Variants in VPS13B observed in about 807,000 individuals in gnomAD.
VPS13B encodes vacuolar protein sorting 13 homolog B.
A neutral mutation model predicts 426.4 loss-of-function variants in VPS13B; 285 were observed. The observed-to-expected ratio is 0.67, with a 90% CI of 0.61 to 0.74. VPS13B has a LOEUF of 0.74. Ranked by LOEUF, VPS13B falls within the 30% of genes least tolerant of loss-of-function variation. The pLI, the probability that VPS13B is intolerant of heterozygous loss-of-function variation, is 0.00. For missense variants in VPS13B, 4,537 were observed against 4,782.6 expected, an observed-to-expected ratio of 0.95 and a Z score of 1.51; for synonymous variants, 1,676 against 1,676.4, an observed-to-expected ratio of 1.00 and a Z score of 0.01.
chr8:99,354,827 G>A (rs74792602), intron 19 of VPS13B, among the ~76,000 whole-genome samples: 2,563 of 152,146 alleles, frequency 0.017, 46 homozygotes, highest in Non-Finnish European at 0.024. Flanking sequence ...AAAGTCCTAG[G>A]ATTATAGGAG....
intron 2 of VPS13B, among the ~76,000 whole-genome samples, chr8:99,019,639 A>T (rs1366219405): frequency 6.6e-6 from 1 of 151,886 alleles, no homozygotes; most frequent in Non-Finnish European, 1.5e-5. Flanking sequence ...CCAACTCCCT[A>T]TTTTCCCCTG....
intron 3 of VPS13B, among the ~76,000 whole-genome samples, chr8:99,062,227 G>A (rs1047773366): frequency 6.6e-6 from 1 of 152,126 alleles, no homozygotes; most frequent in South Asian, 2.1e-4. Context: ...GCCATTTCCT[G>A]TAAATAAGAT....
Position 99,521,001 on chromosome 8 carries a change from A to T in VPS13B, c.4736A>T (p.Asp1579Val). Residue 1579 changes from aspartate (D) to valine (V), a missense_variant, in exon 30 of 62, where the codon GAT becomes GTT. Asp to Val is a radical substitution (Grantham distance 152, BLOSUM62 -3). This residue lies in a region of VPS13B where 4,311 missense variants were observed against 4,474.3 expected (regional missense o/e 0.96). Transcript: ENST00000357162. ...CTTGGCAGATCTGTCCTTAGGAAAG[A>T]TATTTACCAGTAAGTTTATTTTCTT... ...NPLGRSVLRK[D>V]IYQRALNLGI... The T allele has an allele frequency of 6.2e-7, 1 of 1,613,396 alleles. No individual in the cohort carries two copies. Among genetic ancestry groups the T allele is most frequent in the Non-Finnish European group, 8.5e-7 (1 of 1,179,468 alleles).
At chr8:99,251,257 A>G (rs1817492853) in intron 17 of VPS13B, among the ~76,000 whole-genome samples, 2 of 152,206 alleles carry the variant, frequency 1.3e-5, no homozygotes, top group Non-Finnish European at 2.9e-5. Context: ...TCATAATGGA[A>G]AACATTCAGT....
At chr8:99,466,441 G>A (rs1819117654) in intron 23 of VPS13B, among the ~76,000 whole-genome samples, 1 of 151,968 alleles carries the variant, frequency 6.6e-6, no homozygotes. Context: ...AAATACAAAT[G>A]ATATAAAATT....
At chr8:99,869,051 G>A (rs773745577) in intron 59 of VPS13B, among the ~76,000 whole-genome samples, 2 of 152,248 alleles carry the variant, frequency 1.3e-5, no homozygotes, top group Non-Finnish European at 2.9e-5. Context: ...TCCCCGTGCA[G>A]CCGCATGCAC....
At chr8:99,743,082 A>C (rs1022473725) in intron 39 of VPS13B, among the ~76,000 whole-genome samples, 1 of 152,186 alleles carries the variant, frequency 6.6e-6, no homozygotes, top group Non-Finnish European at 1.5e-5. Flanking sequence ...AAACCCCATT[A>C]TCTCAGCCCA....
chr8:99,121,452 C>A lies in VPS13B; in HGVS notation c.1206+7C>A. On this transcript the variant is annotated splice_region_variant and intron_variant, in intron 8 of 61. Coordinates refer to ENST00000357162, the MANE Select transcript of VPS13B (RefSeq NM_152564.5). ...GGCAACGGTGACTTTCAAAGTAGGTCTTTTCTCTTGCTGTTTATATCTCTA... is the reference window on the plus strand; with the variant it reads ...GGCAACGGTGACTTTCAAAGTAGGTATTTTCTCTTGCTGTTTATATCTCTA... 6.2e-7 allele frequency: 1 copy of A among 1,614,004 alleles called. No homozygotes were observed. Among genetic ancestry groups the A allele is most frequent in the South Asian group, 1.1e-5 (1 of 91,052 alleles).
At chr8:99,782,959 G>A (rs1331324948) in intron 42 of VPS13B, among the ~76,000 whole-genome samples, 1 of 152,108 alleles carries the variant, frequency 6.6e-6, no homozygotes. Flanking sequence ...GGGAATAGAT[G>A]GATGATGTGA....
At chr8:99,500,866 G>A (rs1821194191) in intron 25 of VPS13B, among the ~76,000 whole-genome samples, 1 of 152,016 alleles carries the variant, frequency 6.6e-6, no homozygotes. Flanking sequence ...TTAAATAAAA[G>A]GGTTTATTTT....
chr8:99,819,553 A>G lies in VPS13B; in HGVS notation c.8763A>G (p.Ile2921Met), dbSNP rs1814244581. The part of the protein sequence containing the change: ...FYGPEKSLQP[I>M]WPYNKKDSDR... ...GGCCAGAAAAGTCGCTTCAACCCAT[A>G]TGGCCCTATAATAAGAAGGATTCTG... is the stretch of plus-strand genomic sequence containing the variant. Residue 2921 changes from isoleucine to methionine, a missense_variant, in exon 48 of 62, where the codon ATA becomes ATG. Around this residue, in one of 2 missense-constraint regions of VPS13B, gnomAD observed 4,311 missense variants for 4,474.3 expected, o/e 0.96. Transcript: ENST00000357162. 4 of 1,613,764 alleles carry G rather than the reference A, an allele frequency of 2.5e-6. No homozygotes were observed. The highest frequency in any genetic ancestry group is 1.7e-5 in the Admixed American group (1 of 59,970).
intron 30 of VPS13B, among the ~76,000 whole-genome samples, chr8:99,544,615 C>A (rs925043529): frequency 6.6e-6 from 1 of 152,076 alleles, no homozygotes; most frequent in African/African-American, 2.4e-5. Context: ...TTCTACCTAC[C>A]GCTTTTTGCT....
At chr8:99,668,063 A>G (rs559155164) in intron 35 of VPS13B, among the ~76,000 whole-genome samples, 1 of 152,276 alleles carries the variant, frequency 6.6e-6, no homozygotes, top group Admixed American at 6.5e-5. Flanking sequence ...AGAAATCTTT[A>G]GCTATTATTA....
chr8:99,540,888 G>A (rs934442703), intron 30 of VPS13B, among the ~76,000 whole-genome samples: 3 of 151,886 alleles, frequency 2.0e-5, no homozygotes, highest in Admixed American at 1.3e-4. Flanking sequence ...GCTATTGCTC[G>A]GTGTTTTCTT....
chr8:99,736,969 G>A (rs1487177856), intron 39 of VPS13B, among the ~76,000 whole-genome samples: 1 of 152,010 alleles, frequency 6.6e-6, no homozygotes, highest in African/African-American at 2.4e-5. Context: ...AAATAGCAAA[G>A]CTGAGATTCT....
chr8:99,697,139 G>T (rs1240263275), intron 35 of VPS13B: 2 of 532,964 alleles, frequency 3.8e-6, no homozygotes, highest in Non-Finnish European at 6.9e-6. Context: ...AGTCCATACT[G>T]CAGACTCTCC....
chr8:99,056,253 T>C (rs1180273657), intron 3 of VPS13B, among the ~76,000 whole-genome samples: 1 of 151,556 alleles, frequency 6.6e-6, no homozygotes, highest in African/African-American at 2.4e-5. Flanking sequence ...TAGACATGGG[T>C]TTTCATCATG....
Position 99,861,810 on chromosome 8 carries a change from C to G in VPS13B, c.11079C>G (p.Ser3693Arg). ...TLTSITNLAT[S>R]LARNMDRLSL... is the part of the protein sequence containing the mutation. ...CATCCATCACCAACCTCGCCACAAGCCTGGCCCGGAACATGGACCGGCTCT... is the reference window on the plus strand; with the variant it reads ...CATCCATCACCAACCTCGCCACAAGGCTGGCCCGGAACATGGACCGGCTCT... Residue 3693 changes from serine (S) to arginine (R), a missense_variant, in exon 58 of 62, where the codon AGC becomes AGG. Coordinates refer to ENST00000357162, the MANE Select transcript of VPS13B (RefSeq NM_152564.5). 1 of 1,598,672 alleles carries G rather than the reference C, an allele frequency of 6.3e-7. No individual in the cohort carries two copies. The highest frequency in any genetic ancestry group is 8.5e-7 in the Non-Finnish European group (1 of 1,172,846).
chr8:99,577,141 A>G (rs1412836823), intron 32 of VPS13B, among the ~76,000 whole-genome samples: 2 of 152,170 alleles, frequency 1.3e-5, no homozygotes, highest in Non-Finnish European at 2.9e-5. Flanking sequence ...GTTTGAATTC[A>G]TGAACAAGAT....
Sources: allele counts gnomAD v4.1 joint callset (sites outside exome capture counted in the v4.1 genomes callset), GRCh38; gene constraint gnomAD v4.1.1; regional missense constraint gnomAD v4.1.1; transcripts MANE v1.5; gene names NCBI Gene and HGNC (gene_info 2026-07-23, HGNC 2026-07-21).